SPECC1: variants seen among roughly 807,000 people sequenced by gnomAD.
SPECC1 encodes cytospin-B.
A neutral mutation model predicts 104.1 loss-of-function variants in SPECC1; 62 were observed. The observed-to-expected ratio is 0.60, with a 90% CI of 0.49 to 0.74. The LOEUF is 0.74. Among genes scored for constraint, SPECC1 ranks in the 30% least tolerant of loss-of-function variants. The probability of loss-of-function intolerance (pLI) is 0.00; values close to 1 mark genes in which losing one functional copy is unlikely to be tolerated. For missense variants in SPECC1, 1,306 were observed against 1,310.5 expected (o/e 1.00, Z 0.05); for synonymous variants, 513 against 501.6 (o/e 1.02, Z -0.30).
chr17:20,255,783 G>C (rs1479729592), intron 10 of SPECC1, among the ~76,000 whole-genome samples: 2 of 152,172 alleles, frequency 1.3e-5, no homozygotes, highest in African/African-American at 2.4e-5. Context: ...AGTTGCCCAG[G>C]CTGGTCTTGA....
At chr17:20,293,913 C>T (rs973163587) in intron 12 of SPECC1, among the ~76,000 whole-genome samples, 1 of 152,138 alleles carries the variant, frequency 6.6e-6, no homozygotes, top group Non-Finnish European at 1.5e-5. Flanking sequence ...CTGGAGTCCC[C>T]AGCTGGCCTA....
intron 3 of SPECC1, among the ~76,000 whole-genome samples, chr17:20,128,416 A>G (rs2049431483): frequency 1.3e-5 from 2 of 152,238 alleles, no homozygotes; most frequent in Admixed American, 6.5e-5. Context: ...GTAGGTATTT[A>G]TAACTGTGTT....
chr17:20,241,494 A>G (rs2039200648), intron 7 of SPECC1, among the ~76,000 whole-genome samples: 1 of 151,648 alleles, frequency 6.6e-6, no homozygotes, highest in South Asian at 2.1e-4. Flanking sequence ...CCATATCTCC[A>G]TTTTCTTTGG....
At chr17:20,119,509 G>A (rs2048923717) in intron 3 of SPECC1, among the ~76,000 whole-genome samples, 1 of 152,256 alleles carries the variant, frequency 6.6e-6, no homozygotes, top group South Asian at 2.1e-4. Context: ...TGGGATTACA[G>A]GCGTGAGCCA....
chr17:20,011,433 G>C (rs747386973), intron 1 of SPECC1, among the ~76,000 whole-genome samples: 2 of 151,644 alleles, frequency 1.3e-5, no homozygotes, highest in East Asian at 1.9e-4. Context: ...ATAGTATTCT[G>C]GTGTAAGAAA....
chr17:20,282,571 A>C (rs1163365637), intron 12 of SPECC1, among the ~76,000 whole-genome samples: 1 of 152,250 alleles, frequency 6.6e-6, no homozygotes, highest in Non-Finnish European at 1.5e-5. Context: ...TAAGCAACTA[A>C]GAAGAGCCAA....
At chr17:20,030,886 C>G (rs1341035150) in intron 1 of SPECC1, among the ~76,000 whole-genome samples, 1 of 151,992 alleles carries the variant, frequency 6.6e-6, no homozygotes, top group African/African-American at 2.4e-5. Context: ...AATCATTAAA[C>G]ATTTTTTGAA....
At chr17:20,180,680 T>C (rs1482507076) in intron 3 of SPECC1, among the ~76,000 whole-genome samples, 1 of 152,212 alleles carries the variant, frequency 6.6e-6, no homozygotes, top group African/African-American at 2.4e-5. Context: ...CCTAAAGGCA[T>C]TGAAATTCAT....
chr17:20,256,343 C>T (rs1429807410), intron 10 of SPECC1, among the ~76,000 whole-genome samples: 2 of 152,140 alleles, frequency 1.3e-5, no homozygotes, highest in Middle Eastern at 3.2e-3. Flanking sequence ...ATTACAGTGA[C>T]AATTACTTGC....
intron 1 of SPECC1, among the ~76,000 whole-genome samples, chr17:20,094,960 A>G (rs919395698): frequency 1.6e-4 from 24 of 152,210 alleles, no homozygotes; most frequent in Non-Finnish European, 2.9e-5. Context: ...GATTAAACAG[A>G]TACTTTATTA....
chr17:20,246,743 T>A (rs910296831), intron 8 of SPECC1, among the ~76,000 whole-genome samples: 2 of 152,224 alleles, frequency 1.3e-5, no homozygotes, highest in Admixed American at 6.5e-5. Context: ...AGTAACAATA[T>A]CTTTCTTCCC....
At chr17:20,173,807 A>G (rs761103329) in intron 3 of SPECC1, among the ~76,000 whole-genome samples, 46 of 152,236 alleles carry the variant, frequency 3.0e-4, no homozygotes, top group Non-Finnish European at 5.3e-4. Flanking sequence ...TTTTTGAATT[A>G]TAACATTTTG....
intron 12 of SPECC1, among the ~76,000 whole-genome samples, chr17:20,274,053 C>T (rs1436747735): frequency 6.6e-6 from 1 of 152,162 alleles, no homozygotes; most frequent in Admixed American, 6.5e-5. Flanking sequence ...GTTCCAAGTA[C>T]CCTTTACATA....
chr17:20,068,506 C>T (rs1240863921), intron 1 of SPECC1, among the ~76,000 whole-genome samples: 3 of 152,154 alleles, frequency 2.0e-5, no homozygotes, highest in Admixed American at 6.5e-5. Context: ...ATACCAAGGA[C>T]TGGAGTTACT....
chr17:20,133,244 G>A (rs992133564), intron 3 of SPECC1, among the ~76,000 whole-genome samples: 4 of 150,020 alleles, frequency 2.7e-5, no homozygotes, highest in African/African-American at 7.4e-5. Flanking sequence ...CCATTTCACC[G>A]AGTTCTGCTC....
At chr17:20,279,484 G>A (rs1598131549) in intron 12 of SPECC1, among the ~76,000 whole-genome samples, 1 of 151,764 alleles carries the variant, frequency 6.6e-6, no homozygotes, top group Non-Finnish European at 1.5e-5. Flanking sequence ...CACCATGCCC[G>A]GCTAATTTTG....
At chr17:20,113,658 C>T (rs1402362142) in intron 3 of SPECC1, among the ~76,000 whole-genome samples, 1 of 152,226 alleles carries the variant, frequency 6.6e-6, no homozygotes, top group East Asian at 1.9e-4. Flanking sequence ...TTGTACATCA[C>T]TGTCATTCCA....
At chr17:20,068,780 CTTGTA>C (rs1375947659) in intron 1 of SPECC1, among the ~76,000 whole-genome samples, 2 of 152,154 alleles carry the variant, frequency 1.3e-5, no homozygotes, top group African/African-American at 2.4e-5. Flanking sequence ...TTGTTGGCCA[CTTGTA>C]TTGTATAGTC....
chr17:20,062,531 T>G (rs2046222945), intron 1 of SPECC1, among the ~76,000 whole-genome samples: 1 of 151,742 alleles, frequency 6.6e-6, no homozygotes, highest in Non-Finnish European at 1.5e-5. Context: ...CCTGGCTAAT[T>G]TTTAAAAACT....
Sources: gnomAD v4.1 joint callset for allele counts (sites outside exome capture counted in the v4.1 genomes callset) on GRCh38, gnomAD v4.1.1 for gene constraint, MANE v1.5 for transcripts, NCBI Gene and HGNC (gene_info 2026-07-23, HGNC 2026-07-21) for gene names.